The following EBPL variants were observed in gnomAD, a reference collection of about 807,000 sequenced individuals.
EBPL encodes the protein emopamil-binding protein-like.
A neutral mutation model predicts 19.0 loss-of-function variants in EBPL; 20 were observed. That is an observed-to-expected ratio of 1.05 (90% confidence interval 0.74 to 1.53). The LOEUF (loss-of-function observed/expected upper bound fraction) is 1.53. Among genes scored for constraint, EBPL ranks in the 40% most tolerant of loss-of-function variants. EBPL has a pLI of 0.00. For synonymous variants in EBPL, 107 were observed against 117.0 expected, an observed-to-expected ratio of 0.91 and a Z score of 0.55; for missense variants, 219 against 261.1, an observed-to-expected ratio of 0.84 and a Z score of 1.11.
intron 1 of EBPL, 86 bp from the exon 2 acceptor site, chr13:49,669,932 AT>A: frequency 2.0e-6 from 2 of 1,018,676 alleles, no homozygotes; most frequent in South Asian, 2.7e-5. Flanking sequence ...GCCTGGCTCC[AT>A]CCCCCACCCT....
chr13:49,671,951 C>A (rs1170119498), intron 1 of EBPL, among the ~76,000 whole-genome samples: 1 of 152,192 alleles, frequency 6.6e-6, no homozygotes. Flanking sequence ...CTTGTTGAAG[C>A]TCTACTCATT....
At chr13:49,674,809 A>G (rs192405220) in intron 1 of EBPL, among the ~76,000 whole-genome samples, 16 of 152,290 alleles carry the variant, frequency 1.1e-4, no homozygotes, top group Non-Finnish European at 2.1e-4. Context: ...GGATGGTGTG[A>G]GGCCCGTGGG....
intron 1 of EBPL, among the ~76,000 whole-genome samples, chr13:49,679,883 C>CTA (rs67105374): frequency 0.062 from 8,921 of 144,286 alleles, 324 homozygotes; most frequent in South Asian, 0.095. Context: ...TAGAGTCAAG[C>CTA]TATATATATA....
intron 3 of EBPL, 83 bp from the exon 4 acceptor site, chr13:49,661,291 C>A (rs1965144042): frequency 8.9e-7 from 1 of 1,128,892 alleles, no homozygotes; most frequent in Non-Finnish European, 1.3e-6. Context: ...TCTGTAATGG[C>A]GGCATCAACA....
chr13:49,680,805 A>G (rs1266336309), intron 1 of EBPL, among the ~76,000 whole-genome samples: 2 of 150,888 alleles, frequency 1.3e-5, no homozygotes, highest in Non-Finnish European at 3.0e-5. Flanking sequence ...CTGGTGACAG[A>G]GCGAGATTCC....
chr13:49,661,871 ATTG>A (rs1965154233), intron 3 of EBPL: 3 of 1,550,604 alleles, frequency 1.9e-6, no homozygotes, highest in Non-Finnish European at 2.6e-6. Context: ...CCTACTTGAA[ATTG>A]TTTTAGGGAT....
intron 1 of EBPL, among the ~76,000 whole-genome samples, chr13:49,674,593 T>C (rs1953856044): frequency 6.7e-6 from 1 of 148,354 alleles, no homozygotes; most frequent in Non-Finnish European, 1.5e-5. Context: ...TGGGCTTTTT[T>C]TTTTTTTGGC....
At chr13:49,666,018 T>C (rs1965222251) in intron 2 of EBPL, among the ~76,000 whole-genome samples, 1 of 152,056 alleles carries the variant, frequency 6.6e-6, no homozygotes, top group Non-Finnish European at 1.5e-5. Flanking sequence ...ACTGGGCAGA[T>C]GAGATGGAGG....
chr13:49,666,011 G>A (rs1965222186), intron 2 of EBPL, among the ~76,000 whole-genome samples: 1 of 152,218 alleles, frequency 6.6e-6, no homozygotes, highest in South Asian at 2.1e-4. Context: ...ACCCGACACT[G>A]GGCAGATGAG....
At chr13:49,672,567 T>A (rs527568960) in intron 1 of EBPL, among the ~76,000 whole-genome samples, 3 of 152,052 alleles carry the variant, frequency 2.0e-5, no homozygotes, top group Non-Finnish European at 2.9e-5. Context: ...AAAGGGATAA[T>A]AGAAAACAAG....
intron 2 of EBPL, 133 bp from the exon 3 acceptor site, chr13:49,663,328 T>TCC: frequency 1.7e-6 from 2 of 1,194,086 alleles, no homozygotes; most frequent in Non-Finnish European, 2.4e-6. Flanking sequence ...CACGATGCCT[T>TCC]AGTGGAAGGC....
chr13:49,663,849 CAG>C (rs559442152), intron 2 of EBPL, among the ~76,000 whole-genome samples: 10 of 151,524 alleles, frequency 6.6e-5, no homozygotes, highest in Non-Finnish European at 1.2e-4. Context: ...GGCATGAACC[CAG>C]GAGGCGGAGC....
intron 2 of EBPL, among the ~76,000 whole-genome samples, chr13:49,665,574 T>A (rs1203600113): frequency 6.6e-6 from 1 of 152,036 alleles, no homozygotes; most frequent in Non-Finnish European, 1.5e-5. Context: ...CCTGGCCTAA[T>A]TTTTGTATTT....
chr13:49,688,057 A>G (rs1954018159), intron 1 of EBPL, among the ~76,000 whole-genome samples: 1 of 152,176 alleles, frequency 6.6e-6, no homozygotes, highest in Admixed American at 6.5e-5. Flanking sequence ...ACAGGCATTC[A>G]TATCTTGCCT....
At chr13:49,669,705 G>A in intron 2 of EBPL, 72 bp downstream of exon 2, 2 of 1,279,768 alleles carry the variant, frequency 1.6e-6, no homozygotes, top group Non-Finnish European at 2.3e-6. Flanking sequence ...GTATATAATA[G>A]AGGCGTTTGA....
At position 49,669,832 on chromosome 13, in the gene EBPL, G is replaced by C. The variant is rs1417552195; in HGVS notation, c.186C>G (p.Val62=). ...CAACGTTTCCTACTAAAGACAAGTAGACAAAAGGGCCTTCCTAGAGAGGAG... is the reference window on the plus strand; with the variant it reads ...CAACGTTTCCTACTAAAGACAAGTACACAAAAGGGCCTTCCTAGAGAGGAG... The part of the protein sequence containing the change: ...LVHFALEGPF[V]YLSLVGNVAN... The change falls in exon 2 of 4, where the codon GTC becomes GTG. Residue 62 remains valine, a synonymous_variant. Transcript: ENST00000242827. 1.9e-6 allele frequency: 3 copies of C among 1,613,742 alleles called. No individual in the cohort carries two copies. The African/African-American group carries it at 4.0e-5, about 22-fold the overall frequency.
chr13:49,691,200 C>T, intron 1 of EBPL, 54 bp downstream of exon 1: 1 of 1,274,472 alleles, frequency 7.8e-7, no homozygotes. Flanking sequence ...GCCTTGCCGC[C>T]CCCGCTCCCA....
chr13:49,672,830 C>T (rs1364731762), intron 1 of EBPL, among the ~76,000 whole-genome samples: 8 of 152,226 alleles, frequency 5.3e-5, no homozygotes, highest in South Asian at 2.1e-4. Flanking sequence ...GAGGCCTGGG[C>T]GGGCGAATCA....
rs543689714 is a variant in EBPL at position 49,664,535 on chromosome 13, C to G, written c.242-1340G>C. Among the ~76,000 whole-genome samples the G allele has an allele frequency of 1.5e-3, 229 of 152,208 alleles. 1 individual carries two copies. The highest frequency in any genetic ancestry group is 3.0e-3 in the Non-Finnish European group (203 of 68,014). On this transcript the variant is annotated intron_variant, in intron 2 of 3. Coordinates refer to ENST00000242827, the MANE Select transcript of EBPL (RefSeq NM_032565.5). ...GTCTTTTCAGGGCTGGAATGATGGC[C>G]AGGTATTATGGAGGCCATTAAAAAT...
Sources: gnomAD v4.1 joint callset for allele counts (sites outside exome capture counted in the v4.1 genomes callset) on GRCh38, gnomAD v4.1.1 for gene constraint, MANE v1.5 for transcripts, NCBI Gene and HGNC (gene_info 2026-07-23, HGNC 2026-07-21) for gene names.